TMEM178B: variants seen among roughly 807,000 people sequenced by gnomAD.
TMEM178B encodes transmembrane protein 178B.
In TMEM178B, 5 loss-of-function variants were observed where a neutral mutation model predicts 31.0. The observed-to-expected ratio is 0.16, with a 90% CI of 0.08 to 0.34. The LOEUF (loss-of-function observed/expected upper bound fraction) is 0.34, where lower values mean the gene tolerates loss of function less well. TMEM178B is among the 10% of genes least tolerant of loss of function. The probability of loss-of-function intolerance (pLI) is 1.00; values close to 1 mark genes in which losing one functional copy is unlikely to be tolerated. For synonymous variants in TMEM178B, 164 were observed against 164.0 expected (o/e 1.00, Z 0.00); for missense variants, 275 against 400.3 (o/e 0.69, Z 2.67).
intron 2 of TMEM178B, among the ~76,000 whole-genome samples, chr7:141,359,235 A>G (rs970987053): frequency 1.3e-5 from 2 of 152,334 alleles, no homozygotes; most frequent in East Asian, 3.9e-4. Context: ...TCCAGAGTAC[A>G]TTTGGTCTTA....
At chr7:141,265,647 G>A (rs1398970785) in intron 2 of TMEM178B, among the ~76,000 whole-genome samples, 1 of 152,192 alleles carries the variant, frequency 6.6e-6, no homozygotes, top group Non-Finnish European at 1.5e-5. Flanking sequence ...GATACACAAG[G>A]CAGTTAGGTG....
intron 1 of TMEM178B, among the ~76,000 whole-genome samples, chr7:141,092,528 CATGGGTAAATTAT>C (rs1794897279): frequency 6.6e-6 from 1 of 152,094 alleles, no homozygotes; most frequent in African/African-American, 2.4e-5. Flanking sequence ...CTTCATGATG[CATGGGTAAATTAT>C]ATAGATTATA....
chr7:141,503,240 G>C, the TMEM178B span, among the ~76,000 whole-genome samples: 3 of 152,218 alleles, frequency 2.0e-5, no homozygotes, highest in Non-Finnish European at 4.4e-5. Context: ...AGCAGCTAGA[G>C]TCCCTACCTA....
At chr7:141,250,823 C>A (rs1310984801) in intron 2 of TMEM178B, among the ~76,000 whole-genome samples, 3 of 152,166 alleles carry the variant, frequency 2.0e-5, no homozygotes, top group Non-Finnish European at 4.4e-5. Context: ...TTTGCCCAAG[C>A]CTTTTTCATA....
rs150837043 is a variant in TMEM178B at position 141,409,203 on chromosome 7, A to G, written c.497-28405A>G. On this transcript the variant is annotated intron_variant, in intron 2 of 3. Transcript: ENST00000565468. ...AATTAGGCCACCCCATGTCACTATC[A>G]TGTGAGAGGACAAAGGGCCTGTGGG... is the stretch of plus-strand genomic sequence containing the variant. Among the ~76,000 whole-genome samples, 6 of 152,340 alleles carry G rather than the reference A, an allele frequency of 3.9e-5. No homozygotes were observed. The East Asian group carries it at 1.2e-3, about 29-fold the overall frequency.
At chr7:141,235,372 T>G (rs956988665) in intron 2 of TMEM178B, among the ~76,000 whole-genome samples, 1 of 152,224 alleles carries the variant, frequency 6.6e-6, no homozygotes, top group Non-Finnish European at 1.5e-5. Flanking sequence ...TTTTTGAACT[T>G]TAGCTTCCAG....
chr7:141,493,302 T>C, the TMEM178B span, among the ~76,000 whole-genome samples: 2 of 152,180 alleles, frequency 1.3e-5, no homozygotes, highest in Non-Finnish European at 2.9e-5. Context: ...AGTGAGAAGA[T>C]GTTGAGTCCA....
At chr7:141,212,794 C>T in intron 2 of TMEM178B, 90 bp downstream of exon 2, 1 of 1,032,778 alleles carries the variant, frequency 9.7e-7, no homozygotes, top group East Asian at 2.6e-5. Flanking sequence ...CTTCTGGGAT[C>T]TGTGGATGGT....
At chr7:141,369,683 G>A (rs1800077514) in intron 2 of TMEM178B, among the ~76,000 whole-genome samples, 1 of 152,210 alleles carries the variant, frequency 6.6e-6, no homozygotes, top group African/African-American at 2.4e-5. Context: ...GTTCACTTCA[G>A]ACAAATACAT....
chr7:141,109,680 G>A (rs1772981403), intron 1 of TMEM178B, among the ~76,000 whole-genome samples: 1 of 152,148 alleles, frequency 6.6e-6, no homozygotes, highest in African/African-American at 2.4e-5. Context: ...AAATAATTGT[G>A]GAAAGAAAAG....
At chr7:141,118,194 G>A (rs1357493446) in intron 1 of TMEM178B, among the ~76,000 whole-genome samples, 1 of 152,130 alleles carries the variant, frequency 6.6e-6, no homozygotes, top group African/African-American at 2.4e-5. Flanking sequence ...CTCTTTGAGA[G>A]CCTCTCTTTC....
At chr7:141,425,616 T>TTTGCGACTCTGCCTCTTGGTC (rs1291945159) in intron 2 of TMEM178B, among the ~76,000 whole-genome samples, 2 of 152,192 alleles carry the variant, frequency 1.3e-5, no homozygotes, top group Admixed American at 6.5e-5. Flanking sequence ...GAGTTTTGGG[T>TTTGCGACTCTGCCTCTTGGTC]TTGCGACTCT....
intron 2 of TMEM178B, among the ~76,000 whole-genome samples, chr7:141,395,272 C>G (rs1372799834): frequency 6.6e-6 from 1 of 152,134 alleles, no homozygotes; most frequent in Non-Finnish European, 1.5e-5. Context: ...AACCCCATCT[C>G]TACAAAAAAT....
chr7:141,418,468 C>G (rs933623725), intron 2 of TMEM178B, among the ~76,000 whole-genome samples: 10 of 152,176 alleles, frequency 6.6e-5, no homozygotes, highest in African/African-American at 2.4e-4. Flanking sequence ...ACAATCAGCA[C>G]TCAGCAAATT....
rs747071473 is a variant in TMEM178B, at chr7:141,074,298, G to A, written c.-13G>A. 1.3e-5 allele frequency: 19 copies of A among 1,508,356 alleles called. No individual in the cohort carries two copies. Among genetic ancestry groups the A allele is most frequent in the Non-Finnish European group, 1.7e-5 (19 of 1,129,624 alleles). The allele number at this position is 1,508,356 out of a possible 1,614,324, so 93.4% of individuals were successfully genotyped here. A position where few individuals can be genotyped will look rare whatever the true frequency, so the allele number is the denominator to read the frequency against. ...GGCGGATCATGCCCATGGTGTAGCC[G>A]CCAAGCGGAGGCATGGCTGCCGGAA... On this transcript the variant is annotated 5_prime_UTR_variant, in exon 1 of 4. Coordinates refer to ENST00000565468, the MANE Select transcript of TMEM178B (RefSeq NM_001195278.2). This position sits in a 1 kb window ranked among gnomAD's most constrained non-coding sequence, Gnocchi z 5.1.
the TMEM178B span, among the ~76,000 whole-genome samples, chr7:141,507,201 C>T: frequency 3.5e-3 from 531 of 152,276 alleles, 2 homozygotes; most frequent in African/African-American, 9.9e-3. Flanking sequence ...CCTCTTCTTA[C>T]AGCTCCACTA....
At chr7:141,349,910 G>A (rs138493241) in intron 2 of TMEM178B, among the ~76,000 whole-genome samples, 49 of 152,146 alleles carry the variant, frequency 3.2e-4, no homozygotes, top group African/African-American at 1.2e-3. Context: ...CTCACTATTT[G>A]CTGAAACCCT....
intron 1 of TMEM178B, among the ~76,000 whole-genome samples, chr7:141,206,979 T>G (rs1295681238): frequency 6.6e-6 from 1 of 152,236 alleles, no homozygotes; most frequent in Non-Finnish European, 1.5e-5. Context: ...CATTCTCCTC[T>G]CTATTTCTAT....
At chr7:141,324,975 T>C (rs1477648508) in intron 2 of TMEM178B, among the ~76,000 whole-genome samples, 1 of 152,032 alleles carries the variant, frequency 6.6e-6, no homozygotes, top group African/African-American at 2.4e-5. Context: ...GATGTCACAA[T>C]TGGGATTAGG....
Sources: gnomAD v4.1 joint callset for allele counts (sites outside exome capture counted in the v4.1 genomes callset) on GRCh38, gnomAD v4.1.1 for gene constraint, Gnocchi (gnomAD v3.1) non-coding constraint, MANE v1.5 for transcripts, NCBI Gene and HGNC (gene_info 2026-07-23, HGNC 2026-07-21) for gene names.